Variants in OR56A3 observed in about 807,000 individuals in gnomAD.
OR56A3 encodes olfactory receptor family 56 subfamily A member 3, also known as olfactory receptor 56A3.
Under a neutral mutation model 17.5 loss-of-function variants are expected in OR56A3, and 23 were observed. The observed-to-expected ratio is 1.32, with a 90% CI of 0.95 to 1.87. OR56A3 has a LOEUF of 1.87. Ranked by LOEUF, OR56A3 falls within the 40% of genes most tolerant of loss-of-function variation. The pLI, the probability that OR56A3 is intolerant of heterozygous loss-of-function variation, is 0.00. For synonymous variants in OR56A3, 175 were observed against 150.6 expected, an observed-to-expected ratio of 1.16 and a Z score of -1.19; for missense variants, 366 against 380.1, an observed-to-expected ratio of 0.96 and a Z score of 0.31.
At chr11:5,997,617 G>T in the OR56A3 span, among the ~76,000 whole-genome samples, 6 of 152,114 alleles carry the variant, frequency 3.9e-5, no homozygotes, top group African/African-American at 1.4e-4. Context: ...TTAACAGGAA[G>T]AAAATTGAGG....
At chr11:5,956,173 A>G (rs145744559), downstream of OR56A3, among the ~76,000 whole-genome samples, 261 of 152,376 alleles carry the variant, frequency 1.7e-3, no homozygotes, top group African/African-American at 5.9e-3. Context: ...ATTGTTGGCC[A>G]AAGATGTATT....
chr11:5,986,701 A>C, the OR56A3 span: 4 of 1,613,870 alleles, frequency 2.5e-6, no homozygotes, highest in Non-Finnish European at 3.4e-6. Context: ...GAAGAGGTAC[A>C]TAGATTGGTG....
At chr11:5,994,808 C>T in the OR56A3 span, 70 of 754,636 alleles carry the variant, frequency 9.3e-5, no homozygotes, top group Admixed American at 1.7e-4. Context: ...GGGTCCCTTC[C>T]TCTCCAGGTG....
the OR56A3 span, chr11:5,994,101 C>T: frequency 2.0e-6 from 1 of 490,098 alleles, no homozygotes; most frequent in Admixed American, 2.3e-5. Flanking sequence ...CCTGGTGCTG[C>T]CTGTCTGCTT....
the OR56A3 span, among the ~76,000 whole-genome samples, chr11:5,976,786 G>A: frequency 4.0e-5 from 6 of 151,892 alleles, no homozygotes; most frequent in East Asian, 3.9e-4. Flanking sequence ...ATTTCATGTC[G>A]TAGGGGTTTG....
the OR56A3 span, among the ~76,000 whole-genome samples, chr11:6,009,816 C>G: frequency 6.6e-6 from 1 of 152,252 alleles, no homozygotes; most frequent in Non-Finnish European, 1.5e-5. Context: ...GAATGTTTCT[C>G]CTCCTCCCTA....
the OR56A3 span, chr11:6,002,875 G>A: frequency 2.2e-5 from 36 of 1,614,096 alleles, no homozygotes; most frequent in Middle Eastern, 6.6e-4. Flanking sequence ...CCCATGGCCA[G>A]GAGGAAGAGA....
chr11:6,011,790 G>A, the OR56A3 span, among the ~76,000 whole-genome samples: 1 of 152,160 alleles, frequency 6.6e-6, no homozygotes, highest in Non-Finnish European at 1.5e-5. Flanking sequence ...GTGAGGGGTG[G>A]GTGTGAGCGA....
the OR56A3 span, among the ~76,000 whole-genome samples, chr11:5,980,004 C>T: frequency 6.6e-6 from 1 of 151,996 alleles, no homozygotes; most frequent in Admixed American, 6.6e-5. Flanking sequence ...TTTGAGAGAT[C>T]TTCTTGGTAT....
rs3082300 is a variant in OR56A3, at chr11:5,945,579, T to TAAAAA, written c.-37+517_-37+521dup. ...TCTGGCAACAGAGCTAGACCCCATA[T>TAAAAA]AAAAAAAAAAAAAAAAAAAAAAAAT... On this transcript the variant is annotated intron_variant, in intron 2 of 2. Transcript: ENST00000641160. Among the ~76,000 whole-genome samples the TAAAAA allele has an allele frequency of 1.5e-3, 176 of 114,346 alleles. 1 individual carries two copies. The highest frequency in any genetic ancestry group is 2.6e-3 in the South Asian group (9 of 3,468). The allele number at this position is 114,346 out of a possible 152,430, so 75.0% of individuals were successfully genotyped here.
chr11:6,011,204 T>TATACATATATATA, the OR56A3 span, among the ~76,000 whole-genome samples: 17,121 of 122,228 alleles, frequency 0.14, 1,436 homozygotes, highest in East Asian at 0.37. Flanking sequence ...GAGATTTATT[T>TATACATATATATA]TATATATATA....
At chr11:5,961,229 G>A in the OR56A3 span, among the ~76,000 whole-genome samples, 1 of 152,106 alleles carries the variant, frequency 6.6e-6, no homozygotes, top group Non-Finnish European at 1.5e-5. Flanking sequence ...CTCTTCCCCG[G>A]CCGCCACCCC....
At chr11:5,997,033 G>A in the OR56A3 span, among the ~76,000 whole-genome samples, 1 of 152,212 alleles carries the variant, frequency 6.6e-6, no homozygotes, top group African/African-American at 2.4e-5. Flanking sequence ...ATCTTCTCTA[G>A]GAGGGGTGAA....
At chr11:5,976,244 G>A in the OR56A3 span, among the ~76,000 whole-genome samples, 1 of 151,780 alleles carries the variant, frequency 6.6e-6, no homozygotes, top group Non-Finnish European at 1.5e-5. Context: ...GAAGAAAAAG[G>A]AAAAGAAAAG....
chr11:5,977,006 A>G, the OR56A3 span, among the ~76,000 whole-genome samples: 124 of 152,124 alleles, frequency 8.2e-4, 1 homozygote, highest in Non-Finnish European at 1.3e-3. Context: ...ACTAAGGACA[A>G]TGGTTTCCTG....
the OR56A3 span, among the ~76,000 whole-genome samples, chr11:5,974,047 G>C: frequency 9.7e-4 from 148 of 151,804 alleles, no homozygotes; most frequent in African/African-American, 3.3e-3. Flanking sequence ...TATCTCCTAC[G>C]TGCTTCTTAT....
the OR56A3 span, among the ~76,000 whole-genome samples, chr11:5,957,715 C>T: frequency 6.6e-6 from 1 of 152,082 alleles, no homozygotes; most frequent in Non-Finnish European, 1.5e-5. Flanking sequence ...ATAAGAGTTG[C>T]AAATAAGTGA....
chr11:6,010,203 A>G, the OR56A3 span, among the ~76,000 whole-genome samples: 2 of 152,162 alleles, frequency 1.3e-5, no homozygotes, highest in Non-Finnish European at 2.9e-5. Flanking sequence ...TGTTTTCCAA[A>G]ATTCTGATAT....
At chr11:5,974,652 C>A in the OR56A3 span, among the ~76,000 whole-genome samples, 1 of 152,052 alleles carries the variant, frequency 6.6e-6, no homozygotes, top group Non-Finnish European at 1.5e-5. Flanking sequence ...GTGTGTAGAA[C>A]GACAGGCAGG....
Sources: allele counts gnomAD v4.1 joint callset (sites outside exome capture counted in the v4.1 genomes callset), GRCh38; gene constraint gnomAD v4.1.1; transcripts MANE v1.5; gene names NCBI Gene and HGNC (gene_info 2026-07-23, HGNC 2026-07-21).